Variants in ASIC2 observed in about 807,000 individuals in gnomAD.
The protein encoded by ASIC2 is acid sensing ion channel subunit 2.
Under a neutral mutation model 57.3 loss-of-function variants are expected in ASIC2, and 25 were observed. The observed-to-expected ratio is 0.44, with a 90% CI of 0.32 to 0.61. The LOEUF is 0.61. ASIC2 is among the 20% of genes least tolerant of loss of function. The pLI is 0.06. For missense variants in ASIC2, 641 were observed against 738.1 expected, an observed-to-expected ratio of 0.87 and a Z score of 1.52; for synonymous variants, 319 against 307.5, an observed-to-expected ratio of 1.04 and a Z score of -0.39.
intron 1 of ASIC2, among the ~76,000 whole-genome samples, chr17:33,121,730 T>C (rs1418497225): frequency 6.6e-6 from 1 of 151,924 alleles, no homozygotes; most frequent in Non-Finnish European, 1.5e-5. Flanking sequence ...ACACTGACCG[T>C]GGAGTCAGAT....
intron 1 of ASIC2, among the ~76,000 whole-genome samples, chr17:33,486,111 A>G (rs1374446838): frequency 1.3e-5 from 2 of 152,156 alleles, no homozygotes; most frequent in African/African-American, 4.8e-5. Context: ...CTACCTGTCC[A>G]TTGGCTCCTA....
chr17:34,111,410 C>T (rs1911270062), intron 1 of ASIC2, among the ~76,000 whole-genome samples: 1 of 151,444 alleles, frequency 6.6e-6, no homozygotes, highest in South Asian at 2.1e-4. Context: ...TGGCTTGTGA[C>T]AGCATAAATT....
intron 1 of ASIC2, among the ~76,000 whole-genome samples, chr17:33,562,358 A>G (rs2043473): frequency 0.57 from 86,145 of 152,016 alleles, 25,568 homozygotes; most frequent in African/African-American, 0.75. Context: ...AGGTGCTTAG[A>G]AATGCTTGTT....
intron 1 of ASIC2, among the ~76,000 whole-genome samples, chr17:34,089,873 C>T (rs914199960): frequency 6.6e-6 from 1 of 152,186 alleles, no homozygotes; most frequent in Non-Finnish European, 1.5e-5. Flanking sequence ...GCCCAGCAGT[C>T]GTGGCAGCAG....
intron 1 of ASIC2, among the ~76,000 whole-genome samples, chr17:34,095,618 T>A (rs1910494839): frequency 7.6e-5 from 6 of 79,250 alleles, no homozygotes; most frequent in South Asian, 7.1e-4. Context: ...TATATATATA[T>A]ATATATATAT....
At chr17:33,303,431 T>C (rs1271369021) in intron 1 of ASIC2, among the ~76,000 whole-genome samples, 2 of 152,142 alleles carry the variant, frequency 1.3e-5, no homozygotes, top group East Asian at 1.9e-4. Context: ...GAGGTACCCA[T>C]AGGTTCAAGT....
At chr17:33,616,578 C>T (rs989854058) in intron 1 of ASIC2, among the ~76,000 whole-genome samples, 2 of 152,216 alleles carry the variant, frequency 1.3e-5, no homozygotes, top group African/African-American at 2.4e-5. Context: ...GACTGATTCT[C>T]ATTCTCTTCA....
rs185692557 is a variant in ASIC2 at position 33,877,890 on chromosome 17, G to C, written c.555+278088C>G. 2.9e-3 allele frequency among the ~76,000 whole-genome samples: 448 copies of C among 152,242 alleles called. 1 individual carries two copies. The highest frequency in any genetic ancestry group is 3.6e-3 in the Non-Finnish European group (248 of 68,012). ...GGCAGACTGACACCTCACACAGCTG[G>C]GTACTCCTCTGAGACAAAACTTCCA... On this transcript the variant is annotated intron_variant, in intron 1 of 9. Coordinates refer to the ASIC2 transcript ENST00000359872.
intron 1 of ASIC2, among the ~76,000 whole-genome samples, chr17:33,306,116 C>T (rs1459831870): frequency 2.0e-5 from 3 of 152,300 alleles, no homozygotes; most frequent in East Asian, 1.9e-4. Context: ...GTTTTTACCA[C>T]ATTTTTTTCC....
intron 1 of ASIC2, among the ~76,000 whole-genome samples, chr17:33,244,579 G>A (rs1405133183): frequency 6.6e-6 from 1 of 152,186 alleles, no homozygotes; most frequent in Non-Finnish European, 1.5e-5. Flanking sequence ...TGGTAACAAA[G>A]GCAGGATAAT....
chr17:33,022,694 A>G (rs60365812), intron 6 of ASIC2, among the ~76,000 whole-genome samples: 2,769 of 152,216 alleles, frequency 0.018, 78 homozygotes, highest in African/African-American at 0.063. Flanking sequence ...TTGAGTACCA[A>G]CTCTGTGCCA....
At chr17:33,468,677 C>T (rs1387787076) in intron 1 of ASIC2, among the ~76,000 whole-genome samples, 1 of 151,326 alleles carries the variant, frequency 6.6e-6, no homozygotes, top group African/African-American at 2.4e-5. Context: ...TGTATACCCC[C>T]ACCCCACCCC....
intron 1 of ASIC2, among the ~76,000 whole-genome samples, chr17:33,918,237 T>C (rs1915632169): frequency 6.6e-6 from 1 of 152,172 alleles, no homozygotes; most frequent in Admixed American, 6.5e-5. Context: ...GCTGATTATC[T>C]TGTTAATGTA....
chr17:33,622,007 T>G (rs572194393), intron 1 of ASIC2, among the ~76,000 whole-genome samples: 27 of 152,212 alleles, frequency 1.8e-4, no homozygotes, highest in African/African-American at 6.5e-4. Flanking sequence ...TCAATAAATG[T>G]TGACTGTTGG....
chr17:33,963,907 G>T (rs1030044664), intron 1 of ASIC2, among the ~76,000 whole-genome samples: 2 of 152,156 alleles, frequency 1.3e-5, no homozygotes, highest in African/African-American at 2.4e-5. Flanking sequence ...TGCTAAATTT[G>T]GCATTAGGAA....
intron 1 of ASIC2, among the ~76,000 whole-genome samples, chr17:33,722,967 G>A (rs1406042411): frequency 6.6e-6 from 1 of 152,156 alleles, no homozygotes; most frequent in African/African-American, 2.4e-5. Context: ...TTCATCTTTT[G>A]CCAGGAGGTG....
intron 3 of ASIC2, among the ~76,000 whole-genome samples, chr17:33,047,836 G>A (rs1453288351): frequency 2.0e-5 from 3 of 152,208 alleles, no homozygotes; most frequent in Non-Finnish European, 4.4e-5. Flanking sequence ...CTTCCTAGAT[G>A]TAATCTTGAA....
At chr17:33,087,430 C>T (rs1026807098) in intron 3 of ASIC2, among the ~76,000 whole-genome samples, 6 of 152,122 alleles carry the variant, frequency 3.9e-5, no homozygotes, top group African/African-American at 1.4e-4. Context: ...CAATCCCATT[C>T]CCTATGTGCT....
chr17:33,423,739 C>T (rs1387815751), intron 1 of ASIC2, among the ~76,000 whole-genome samples: 1 of 152,192 alleles, frequency 6.6e-6, no homozygotes, highest in African/African-American at 2.4e-5. Context: ...CATTGGCACC[C>T]ATGATCACAC....
Sources: allele counts gnomAD v4.1 joint callset (sites outside exome capture counted in the v4.1 genomes callset), GRCh38; gene constraint gnomAD v4.1.1; transcripts MANE v1.5; gene names NCBI Gene and HGNC (gene_info 2026-07-23, HGNC 2026-07-21).